Variants in CPPED1 observed in about 807,000 individuals in gnomAD.
CPPED1 encodes serine/threonine-protein phosphatase CPPED1.
CPPED1 carries 28 observed loss-of-function variants against 28.0 expected under a neutral mutation model. That is an observed-to-expected ratio of 1.00 (90% CI 0.74 to 1.37). CPPED1 has a LOEUF of 1.37. Ranked by LOEUF, CPPED1 falls within the 40% of genes most tolerant of loss-of-function variation. The probability of loss-of-function intolerance (pLI) is 0.00; values close to 1 mark genes in which losing one functional copy is unlikely to be tolerated. For missense variants in CPPED1, 504 were observed against 416.5 expected, an observed-to-expected ratio of 1.21 and a Z score of -1.83; for synonymous variants, 198 against 180.2, an observed-to-expected ratio of 1.10 and a Z score of -0.79.
chr16:12,748,015 G>T (rs1212662327), intron 2 of CPPED1, among the ~76,000 whole-genome samples: 1 of 152,148 alleles, frequency 6.6e-6, no homozygotes, highest in African/African-American at 2.4e-5. Flanking sequence ...TGTCGGTGAG[G>T]AAACAGCCAG....
At chr16:12,777,548 A>T (rs1328296234) in intron 2 of CPPED1, among the ~76,000 whole-genome samples, 11 of 152,250 alleles carry the variant, frequency 7.2e-5, no homozygotes, top group Non-Finnish European at 1.3e-4. Flanking sequence ...TTTATAATAG[A>T]ATAAAATACC....
In CPPED1 at chr16:12,671,522, G is replaced by T. The variant is rs112111968; in HGVS notation, c.716-6407C>A. Reference sequence around the variant, plus strand: ...CTGGGAGGCTGTAAAGAGAGCTCTTGGGACTATAGCTACCTGTGCTGGCAG... The same window carrying T: ...CTGGGAGGCTGTAAAGAGAGCTCTTTGGACTATAGCTACCTGTGCTGGCAG... On this transcript the variant is annotated intron_variant, in intron 3 of 3. Coordinates refer to ENST00000381774, the MANE Select transcript of CPPED1 (RefSeq NM_018340.3). 4.5e-4 allele frequency among the ~76,000 whole-genome samples: 68 copies of T among 152,188 alleles called. 2 individuals are homozygous for T. The highest frequency in any genetic ancestry group is 1.6e-4 in the Non-Finnish European group (11 of 68,034).
intron 1 of CPPED1, among the ~76,000 whole-genome samples, chr16:12,782,203 G>A (rs887067314): frequency 2.3e-4 from 35 of 152,282 alleles, no homozygotes; most frequent in African/African-American, 7.0e-4. Context: ...GTGCCTGCTT[G>A]GGCAGAGCTG....
intron 3 of CPPED1, among the ~76,000 whole-genome samples, chr16:12,672,748 T>C (rs939788094): frequency 2.0e-5 from 3 of 152,194 alleles, no homozygotes; most frequent in African/African-American, 4.8e-5. Context: ...AATCGGGTGA[T>C]TGGGAATGAA....
chr16:12,787,669 T>C (rs1168092382), intron 1 of CPPED1, among the ~76,000 whole-genome samples: 1 of 152,012 alleles, frequency 6.6e-6, no homozygotes, highest in East Asian at 1.9e-4. Flanking sequence ...CCTCCCAAAG[T>C]GCTGAGATTA....
At chr16:12,790,423 A>C (rs2141244117) in intron 1 of CPPED1, among the ~76,000 whole-genome samples, 1 of 152,316 alleles carries the variant, frequency 6.6e-6, no homozygotes, top group East Asian at 1.9e-4. Context: ...AACTATAATG[A>C]AGGTGCCCCC....
At chr16:12,739,591 A>T (rs1029843533) in intron 2 of CPPED1, among the ~76,000 whole-genome samples, 25 of 152,092 alleles carry the variant, frequency 1.6e-4, no homozygotes, top group African/African-American at 6.0e-4. Flanking sequence ...CAAAAAAAAA[A>T]GTGCTTGTTC....
At chr16:12,734,315 C>G (rs903988598) in intron 2 of CPPED1, among the ~76,000 whole-genome samples, 9 of 152,142 alleles carry the variant, frequency 5.9e-5, no homozygotes, top group African/African-American at 2.2e-4. Flanking sequence ...AGTGATCTGC[C>G]CACCTCGGCC....
chr16:12,672,576 C>T (rs532828263), intron 3 of CPPED1, among the ~76,000 whole-genome samples: 171 of 152,180 alleles, frequency 1.1e-3, no homozygotes, highest in Non-Finnish European at 2.0e-3. Flanking sequence ...TATACAGGCT[C>T]GTGTGCCTAT....
intron 1 of CPPED1, 29 bp from the exon 2 acceptor site, chr16:12,781,432 G>A (rs1355329160): frequency 6.3e-7 from 1 of 1,597,078 alleles, no homozygotes; most frequent in Admixed American, 1.7e-5. Context: ...GAGAAAGAAG[G>A]AGAAATCTTG....
chr16:12,710,961 A>G (rs979677942), intron 2 of CPPED1, among the ~76,000 whole-genome samples: 8 of 152,228 alleles, frequency 5.3e-5, no homozygotes, highest in Non-Finnish European at 1.0e-4. Context: ...TAGGATTACC[A>G]GATAATCCAA....
At chr16:12,741,554 G>T (rs187000931) in intron 2 of CPPED1, among the ~76,000 whole-genome samples, 28 of 152,308 alleles carry the variant, frequency 1.8e-4, no homozygotes, top group African/African-American at 6.7e-4. Flanking sequence ...GGCCATCAGA[G>T]AAAAATCATG....
intron 1 of CPPED1, among the ~76,000 whole-genome samples, chr16:12,790,498 TTAAG>T (rs1171557633): frequency 2.6e-5 from 4 of 152,358 alleles, no homozygotes; most frequent in African/African-American, 4.8e-5. Flanking sequence ...AGCCACGTTA[TTAAG>T]TAATACCTAA....
rs553108093 is a variant in CPPED1, at chr16:12,680,685, G to A, written c.716-15570C>T. 2.0e-5 allele frequency among the ~76,000 whole-genome samples: 3 copies of A among 152,282 alleles called. No individual in the cohort carries two copies. In the South Asian group the frequency reaches 6.2e-4, roughly 32 times the overall value. Reference sequence around the variant, plus strand: ...TTGCTGTATCATCAGCATGAGAAGAGAGACACTCTCAGGTTACGGAGTGCC... The same window carrying A: ...TTGCTGTATCATCAGCATGAGAAGAAAGACACTCTCAGGTTACGGAGTGCC... On this transcript the variant is annotated intron_variant, in intron 3 of 3. Coordinates refer to ENST00000381774, the MANE Select transcript of CPPED1 (RefSeq NM_018340.3).
At chr16:12,775,655 A>T (rs2080493588) in intron 2 of CPPED1, among the ~76,000 whole-genome samples, 1 of 152,152 alleles carries the variant, frequency 6.6e-6, no homozygotes, top group Admixed American at 6.6e-5. Context: ...CAGGGCAGAG[A>T]TTCTACATCT....
At chr16:12,758,939 G>C (rs543852894) in intron 2 of CPPED1, among the ~76,000 whole-genome samples, 1 of 152,074 alleles carries the variant, frequency 6.6e-6, no homozygotes, top group East Asian at 1.9e-4. Flanking sequence ...GAGGCAGGAG[G>C]ATCGCTTGAG....
At chr16:12,731,724 C>CTT (rs921139794) in intron 2 of CPPED1, among the ~76,000 whole-genome samples, 1 of 144,952 alleles carries the variant, frequency 6.9e-6, no homozygotes, top group Non-Finnish European at 1.5e-5. Context: ...CTTTTTCATT[C>CTT]TTTTTTTTTT....
chr16:12,784,765 C>T (rs2080553024), intron 1 of CPPED1, among the ~76,000 whole-genome samples: 1 of 152,176 alleles, frequency 6.6e-6, no homozygotes, highest in Admixed American at 6.5e-5. Flanking sequence ...CATAAATCAA[C>T]CTTCTACAAC....
At chr16:12,802,430 C>G (rs2080665979) in intron 1 of CPPED1, among the ~76,000 whole-genome samples, 1 of 151,984 alleles carries the variant, frequency 6.6e-6, no homozygotes, top group African/African-American at 2.4e-5. Flanking sequence ...GGAGAAACCC[C>G]ATCTCTACTA....
Sources: gnomAD v4.1 joint callset for allele counts (sites outside exome capture counted in the v4.1 genomes callset) on GRCh38, gnomAD v4.1.1 for gene constraint, MANE v1.5 for transcripts, NCBI Gene and HGNC (gene_info 2026-07-23, HGNC 2026-07-21) for gene names.